The following EDIL3 variants were observed in gnomAD, a reference collection of about 807,000 sequenced individuals.
The protein encoded by EDIL3 is EGF-like repeat and discoidin I-like domain-containing protein 3.
A neutral mutation model predicts 67.4 loss-of-function variants in EDIL3; 37 were observed. The ratio of observed to expected loss-of-function variants is 0.55; its 90% CI spans 0.42 to 0.72. The LOEUF is 0.72. Ranked by LOEUF, EDIL3 falls within the 30% of genes least tolerant of loss-of-function variation. The pLI is 0.00. For missense variants in EDIL3, 527 were observed against 586.3 expected (o/e 0.90, Z 1.04); for synonymous variants, 195 against 196.3 (o/e 0.99, Z 0.05).
chr5:84,245,468 T>G (rs932869312), intron 2 of EDIL3, among the ~76,000 whole-genome samples: 1 of 152,180 alleles, frequency 6.6e-6, no homozygotes, highest in Non-Finnish European at 1.5e-5. Flanking sequence ...AAGTTAATGT[T>G]TTTTAAATGA....
intron 9 of EDIL3, among the ~76,000 whole-genome samples, chr5:83,984,287 A>G (rs1445139007): frequency 1.3e-5 from 2 of 152,118 alleles, no homozygotes; most frequent in Non-Finnish European, 2.9e-5. Flanking sequence ...GATAGGGAAT[A>G]TAAGGGGTTC....
chr5:84,083,277 T>C (rs1747010480), intron 6 of EDIL3, among the ~76,000 whole-genome samples: 1 of 152,094 alleles, frequency 6.6e-6, no homozygotes, highest in African/African-American at 2.4e-5. Flanking sequence ...GGGGACTTCT[T>C]AGGGATAACG....
intron 1 of EDIL3, among the ~76,000 whole-genome samples, chr5:84,273,879 T>G (rs1323458372): frequency 6.6e-6 from 1 of 152,160 alleles, no homozygotes; most frequent in Non-Finnish European, 1.5e-5. Flanking sequence ...GCCACCCTGT[T>G]TTGACACCTG....
intron 9 of EDIL3, among the ~76,000 whole-genome samples, chr5:83,998,102 G>T (rs1252680752): frequency 1.3e-5 from 2 of 152,156 alleles, no homozygotes; most frequent in African/African-American, 4.8e-5. Flanking sequence ...GCTGTGCTAG[G>T]CTGGGAGCCC....
At chr5:84,079,346 G>A (rs1405351758) in intron 6 of EDIL3, among the ~76,000 whole-genome samples, 1 of 152,054 alleles carries the variant, frequency 6.6e-6, no homozygotes, top group East Asian at 1.9e-4. Context: ...TGCAATTAGC[G>A]TCTGAAGTCT....
intron 8 of EDIL3, among the ~76,000 whole-genome samples, chr5:84,063,821 C>G (rs754410787): frequency 2.0e-5 from 3 of 152,206 alleles, no homozygotes; most frequent in Non-Finnish European, 2.9e-5. Flanking sequence ...GGAGCACACA[C>G]GCACTTTTAG....
chr5:84,062,778 T>A (rs891846085), intron 8 of EDIL3, among the ~76,000 whole-genome samples: 1 of 152,092 alleles, frequency 6.6e-6, no homozygotes, highest in African/African-American at 2.4e-5. Flanking sequence ...GTTTGGTACA[T>A]TACATTAGTG....
intron 6 of EDIL3, among the ~76,000 whole-genome samples, chr5:84,097,711 T>C (rs1453663776): frequency 6.6e-6 from 1 of 152,074 alleles, no homozygotes; most frequent in Non-Finnish European, 1.5e-5. Flanking sequence ...ATTCAATGTA[T>C]ATGTATTCTA....
intron 4 of EDIL3, among the ~76,000 whole-genome samples, chr5:84,166,040 T>C (rs1190156987): frequency 6.6e-6 from 1 of 152,134 alleles, no homozygotes; most frequent in Non-Finnish European, 1.5e-5. Context: ...ACTCTCCATT[T>C]TGAAATTTCC....
intron 9 of EDIL3, among the ~76,000 whole-genome samples, chr5:84,059,198 C>T (rs543458685): frequency 6.6e-6 from 1 of 151,644 alleles, no homozygotes; most frequent in Admixed American, 6.6e-5. Flanking sequence ...GCTAGGAGTT[C>T]GAGATTGGCT....
intron 3 of EDIL3, among the ~76,000 whole-genome samples, chr5:84,202,504 C>T (rs1271427449): frequency 6.6e-6 from 1 of 152,076 alleles, no homozygotes; most frequent in Non-Finnish European, 1.5e-5. Flanking sequence ...GTGAGGAGTA[C>T]ATAGCAGGGA....
chr5:84,179,766 A>G (rs1317698894), intron 4 of EDIL3, among the ~76,000 whole-genome samples: 1 of 152,090 alleles, frequency 6.6e-6, no homozygotes, highest in Non-Finnish European at 1.5e-5. Flanking sequence ...TGCTTGCTGA[A>G]CACCTACAGT....
intron 1 of EDIL3, among the ~76,000 whole-genome samples, chr5:84,271,879 C>A (rs1745479261): frequency 6.6e-6 from 1 of 152,174 alleles, no homozygotes; most frequent in Admixed American, 6.5e-5. Flanking sequence ...CAGACCACAT[C>A]CTCAACTGTG....
rs1744232788 is a variant in EDIL3, at chr5:83,942,072, G to A, written c.*1347C>T. The A allele has an allele frequency of 6.6e-6, 1 of 151,850 alleles. No individual in the cohort carries two copies. Among genetic ancestry groups the A allele is most frequent in the African/African-American group, 2.4e-5 (1 of 41,352 alleles). The allele number at this position is 151,850 out of a possible 1,614,324, so 9.4% of individuals were successfully genotyped here. On this transcript the variant is annotated 3_prime_UTR_variant, in exon 11 of 11. Coordinates refer to ENST00000296591, the MANE Select transcript of EDIL3 (RefSeq NM_005711.5). ...TTAAAACTCCAATAATTCTGTCTAA[G>A]CCTTATAAAATAAATACTTGTAAAG... is the stretch of plus-strand genomic sequence containing the variant.
In EDIL3 at chr5:84,161,856, A is replaced by G. The variant is rs1445744; in HGVS notation, c.355+18537T>C. 3.6e-3 allele frequency among the ~76,000 whole-genome samples: 550 copies of G among 152,224 alleles called. 2 individuals are homozygous for G. The highest frequency in any genetic ancestry group is 0.01 in the Middle Eastern group (3 of 294). ...ATAAGGCTAATAAATTATTTAAAAC[A>G]TTTGTCACCTATCTTTCTAACAATG... On this transcript the variant is annotated intron_variant, in intron 4 of 10. Transcript: ENST00000296591.
chr5:84,370,178 T>C (rs983214401), intron 1 of EDIL3, among the ~76,000 whole-genome samples: 1 of 152,168 alleles, frequency 6.6e-6, no homozygotes, highest in Non-Finnish European at 1.5e-5. Context: ...AACATGTAAA[T>C]TGTTTCAGAA....
At chr5:84,216,276 G>T (rs959306299) in intron 3 of EDIL3, among the ~76,000 whole-genome samples, 1 of 152,082 alleles carries the variant, frequency 6.6e-6, no homozygotes, top group African/African-American at 2.4e-5. Context: ...TTTCATTTCC[G>T]ATTCTATTCT....
At position 84,238,671 on chromosome 5, in the gene EDIL3, T is replaced by TTTTTTTG. The variant is rs1744729737; in HGVS notation, c.197-8788_197-8787insCAAAAAA. Reference sequence around the variant, plus strand: ...ACAGGAGCTAAAATTAAATGTTTTTTTTTTTTTTTTTTCAGAATCATTAGG... The same window carrying TTTTTTTG: ...ACAGGAGCTAAAATTAAATGTTTTTTTTTTTTGTTTTTTTTTTTTCAGAATCATTAGG... On this transcript the variant is annotated intron_variant, in intron 2 of 10. Transcript: ENST00000296591. Among the ~76,000 whole-genome samples, 3 of 148,556 alleles carry TTTTTTTG rather than the reference T, an allele frequency of 2.0e-5. No homozygotes were observed. In the Admixed American group the frequency reaches 2.0e-4, roughly 10 times the overall value.
chr5:84,287,802 G>T (rs1414234290), intron 1 of EDIL3, among the ~76,000 whole-genome samples: 1 of 151,892 alleles, frequency 6.6e-6, no homozygotes, highest in East Asian at 1.9e-4. Context: ...CATTTTCTTT[G>T]ATTTCCCTCC....
Sources: allele counts gnomAD v4.1 joint callset (sites outside exome capture counted in the v4.1 genomes callset), GRCh38; gene constraint gnomAD v4.1.1; transcripts MANE v1.5; gene names NCBI Gene and HGNC (gene_info 2026-07-23, HGNC 2026-07-21).